PLXNA4: variants seen among roughly 807,000 people sequenced by gnomAD.
PLXNA4 encodes plexin A4.
A neutral mutation model predicts 191.8 loss-of-function variants in PLXNA4; 44 were observed. The ratio of observed to expected loss-of-function variants is 0.23; its 90% CI spans 0.18 to 0.29. The LOEUF is 0.29. PLXNA4 is among the 10% of genes least tolerant of loss of function. The pLI, the probability that PLXNA4 is intolerant of heterozygous loss-of-function variation, is 1.00. For missense variants in PLXNA4, 1,800 were observed against 2,488.8 expected, an observed-to-expected ratio of 0.72 and a Z score of 5.89; for synonymous variants, 1,082 against 1,009.5, an observed-to-expected ratio of 1.07 and a Z score of -1.36.
At chr7:132,148,515 G>T (rs755110380) in intron 26 of PLXNA4, 28 bp downstream of exon 26, 3 of 1,613,630 alleles carry the variant, frequency 1.9e-6, no homozygotes, top group Non-Finnish European at 2.5e-6. Context: ...TAGTTGGCTA[G>T]CTCCTCCCCT....
Position 132,305,530 on chromosome 7 carries a change from C to T in PLXNA4, c.1372-7308G>A, listed in dbSNP as rs973182995. Among the ~76,000 whole-genome samples, 8 of 152,312 alleles carry T rather than the reference C, an allele frequency of 5.3e-5. No homozygotes were observed. The South Asian group carries it at 8.3e-4, about 16-fold the overall frequency. On this transcript the variant is annotated intron_variant, in intron 3 of 31. Transcript: ENST00000321063. ...CCCCTGCCGATCCACCAGTGGGCAC[C>T]GCCACCTATCTCCATCCCTGGCACG...
chr7:132,622,746 C>G (rs184473534), intron 2 of PLXNA4, among the ~76,000 whole-genome samples: 3 of 152,274 alleles, frequency 2.0e-5, no homozygotes, highest in African/African-American at 7.2e-5. Flanking sequence ...AGTCTAGATG[C>G]TGCAGAATTG....
chr7:132,431,759 C>G (rs1795271581), intron 3 of PLXNA4, among the ~76,000 whole-genome samples: 1 of 152,176 alleles, frequency 6.6e-6, no homozygotes, highest in East Asian at 1.9e-4. Flanking sequence ...GTCTTGGCCT[C>G]AGCGCTCCCT....
chr7:132,614,839 T>G (rs1230815465), intron 2 of PLXNA4, among the ~76,000 whole-genome samples: 1 of 152,176 alleles, frequency 6.6e-6, no homozygotes, highest in Non-Finnish European at 1.5e-5. Context: ...AAAAGCAAGC[T>G]GCAGAGAAAG....
At chr7:132,417,955 CTT>C (rs1291610317) in intron 3 of PLXNA4, among the ~76,000 whole-genome samples, 2 of 152,194 alleles carry the variant, frequency 1.3e-5, no homozygotes, top group Non-Finnish European at 2.9e-5. Flanking sequence ...TCTTAGGTCA[CTT>C]TGGTTTATTT....
intron 9 of PLXNA4, among the ~76,000 whole-genome samples, chr7:132,220,908 G>A (rs1382965073): frequency 6.7e-6 from 1 of 150,308 alleles, no homozygotes; most frequent in Non-Finnish European, 1.5e-5. Flanking sequence ...AATCTCCCAG[G>A]CTCAAGCAAT....
chr7:132,543,139 T>C (rs1279874139), intron 1 of PLXNA4, among the ~76,000 whole-genome samples: 2 of 152,218 alleles, frequency 1.3e-5, no homozygotes, highest in Non-Finnish European at 2.9e-5. Flanking sequence ...GATAGTATTG[T>C]TTGCTTCTAC....
intron 1 of PLXNA4, among the ~76,000 whole-genome samples, chr7:132,571,848 A>AT (rs1001239828): frequency 2.0e-5 from 3 of 152,022 alleles, no homozygotes; most frequent in Admixed American, 6.6e-5. Flanking sequence ...TCATTTACTC[A>AT]TTTTTTCCTG....
intron 25 of PLXNA4, among the ~76,000 whole-genome samples, chr7:132,155,218 G>A (rs763323350): frequency 9.2e-5 from 14 of 152,164 alleles, no homozygotes; most frequent in Non-Finnish European, 1.9e-4. Flanking sequence ...AGAGGAAATG[G>A]GTCGCAGAGG....
At chr7:132,390,423 C>G (rs972594769) in intron 3 of PLXNA4, among the ~76,000 whole-genome samples, 2 of 151,402 alleles carry the variant, frequency 1.3e-5, no homozygotes, top group African/African-American at 4.9e-5. Flanking sequence ...GTCGGGGGGT[C>G]GGGGGCTAGG....
chr7:132,210,613 G>T (rs951949765), intron 10 of PLXNA4, among the ~76,000 whole-genome samples: 9 of 152,274 alleles, frequency 5.9e-5, no homozygotes, highest in Admixed American at 1.3e-4. Flanking sequence ...GGACATGAAG[G>T]TACCTGGAGC....
intron 8 of PLXNA4, 143 bp from the exon 9 acceptor site, chr7:132,223,784 C>T (rs1480122177): frequency 7.8e-6 from 5 of 642,996 alleles, no homozygotes; most frequent in Non-Finnish European, 1.4e-5. Flanking sequence ...ATCTTATGCA[C>T]ATCTATCCCT....
intron 3 of PLXNA4, among the ~76,000 whole-genome samples, chr7:132,430,679 A>AACAACCCAG (rs1563094434): frequency 6.6e-6 from 1 of 152,220 alleles, no homozygotes; most frequent in Non-Finnish European, 1.5e-5. Context: ...CTTGAGTGCT[A>AACAACCCAG]ACAACCCAGA....
intron 3 of PLXNA4, among the ~76,000 whole-genome samples, chr7:132,408,105 A>T (rs891588370): frequency 6.6e-6 from 1 of 152,110 alleles, no homozygotes; most frequent in Non-Finnish European, 1.5e-5. Flanking sequence ...AAAAATGAGA[A>T]CTAACTTAAA....
intron 15 of PLXNA4, among the ~76,000 whole-genome samples, chr7:132,187,053 C>A (rs982101845): frequency 1.3e-5 from 2 of 152,120 alleles, no homozygotes; most frequent in African/African-American, 2.4e-5. Flanking sequence ...CCACCCAGAC[C>A]AGTAACGTGG....
intron 2 of PLXNA4, among the ~76,000 whole-genome samples, chr7:132,623,771 T>C (rs1803319585): frequency 6.6e-6 from 1 of 152,284 alleles, no homozygotes; most frequent in East Asian, 1.9e-4. Flanking sequence ...TCCAAAAGTC[T>C]AGCAGGAAGC....
Position 132,164,069 on chromosome 7 carries a change from A to G in PLXNA4, c.4500+73T>C. Reference sequence around the variant, plus strand: ...GCTGTTCAGCCTTTCAGCCATCTCCACTGCTGAGCAGGGCTACCCAGGATG... The same window carrying G: ...GCTGTTCAGCCTTTCAGCCATCTCCGCTGCTGAGCAGGGCTACCCAGGATG... On this transcript the variant is annotated intron_variant, in intron 24 of 31. Transcript: ENST00000321063. The G allele has an allele frequency of 7.5e-6, 12 of 1,590,698 alleles. 1 individual carries two copies. The South Asian group carries it at 1.1e-4, about 15-fold the overall frequency.
intron 1 of PLXNA4, among the ~76,000 whole-genome samples, chr7:132,560,648 A>C (rs1800998683): frequency 6.6e-6 from 1 of 151,888 alleles, no homozygotes; most frequent in African/African-American, 2.4e-5. Flanking sequence ...ATATGCCCCA[A>C]TTCACCTTGT....
At chr7:132,279,311 T>C (rs140088883) in intron 4 of PLXNA4, among the ~76,000 whole-genome samples, 66 of 152,224 alleles carry the variant, frequency 4.3e-4, no homozygotes, top group African/African-American at 1.4e-3. Context: ...TGCCTTAACA[T>C]AGTGACAGGT....
Sources: allele counts gnomAD v4.1 joint callset (sites outside exome capture counted in the v4.1 genomes callset), GRCh38; gene constraint gnomAD v4.1.1; transcripts MANE v1.5; gene names NCBI Gene and HGNC (gene_info 2026-07-23, HGNC 2026-07-21).